MYO9B: variants seen among roughly 807,000 people sequenced by gnomAD.
The protein encoded by MYO9B is myosin IXB, also known as unconventional myosin-IXb.
A neutral mutation model predicts 229.5 loss-of-function variants in MYO9B; 71 were observed. That is an observed-to-expected ratio of 0.31 (90% CI 0.26 to 0.38). The LOEUF (loss-of-function observed/expected upper bound fraction) is 0.38. Among genes scored for constraint, MYO9B ranks in the 10% least tolerant of loss-of-function variants. The probability of loss-of-function intolerance (pLI) is 1.00; values close to 1 mark genes in which losing one functional copy is unlikely to be tolerated. For missense variants in MYO9B, 2,255 were observed against 2,920.5 expected (o/e 0.77, Z 5.25); for synonymous variants, 1,185 against 1,235.8 (o/e 0.96, Z 0.86).
intron 3 of MYO9B, among the ~76,000 whole-genome samples, chr19:17,149,159 G>A (rs955447035): frequency 3.2e-4 from 49 of 151,878 alleles, no homozygotes; most frequent in African/African-American, 1.1e-3. Context: ...TTTTTATTCT[G>A]TAGAGACGGG....
chr19:17,129,961 G>A (rs7258952), intron 2 of MYO9B, among the ~76,000 whole-genome samples: 41,316 of 151,968 alleles, frequency 0.27, 5,822 homozygotes, highest in East Asian at 0.41. Context: ...GACTACAAGT[G>A]TGTACCACCA....
intron 1 of MYO9B, among the ~76,000 whole-genome samples, chr19:17,088,669 CTTTG>C (rs961605280): frequency 3.9e-5 from 6 of 152,110 alleles, no homozygotes; most frequent in African/African-American, 7.2e-5. Context: ...GCCCCACTTA[CTTTG>C]TTTATTTACT....
intron 26 of MYO9B, 137 bp from the exon 27 acceptor site, chr19:17,201,789 G>A: frequency 1.5e-6 from 1 of 655,100 alleles, no homozygotes; most frequent in Admixed American, 2.7e-5. Context: ...GACCAGGCTT[G>A]GCCAGAGGGA....
intron 2 of MYO9B, among the ~76,000 whole-genome samples, chr19:17,105,662 C>G (rs1293811363): frequency 6.6e-6 from 1 of 152,134 alleles, no homozygotes; most frequent in East Asian, 1.9e-4. Flanking sequence ...AGACCCCACC[C>G]TTTCTGGAGC....
chr19:17,142,131 AT>A (rs1301003104), intron 2 of MYO9B, among the ~76,000 whole-genome samples: 2 of 150,958 alleles, frequency 1.3e-5, no homozygotes, highest in African/African-American at 4.9e-5. Context: ...GTGAGCTATG[AT>A]TACACCACTG....
At chr19:17,171,709 T>C (rs368123719) in intron 11 of MYO9B, among the ~76,000 whole-genome samples, 2 of 152,282 alleles carry the variant, frequency 1.3e-5, no homozygotes, top group African/African-American at 4.8e-5. Flanking sequence ...CCTAGTCGTT[T>C]GGGAGGCTGA....
intron 3 of MYO9B, among the ~76,000 whole-genome samples, chr19:17,152,185 A>G (rs7248803): frequency 0.66 from 92,755 of 140,408 alleles, 30,698 homozygotes; most frequent in East Asian, 0.7. Context: ...AGACTCCATC[A>G]CAAAAAAAAA....
Position 17,210,852 on chromosome 19 carries a change from A to G in MYO9B, c.5930+4A>G. The G allele has an allele frequency of 6.3e-7, 1 of 1,595,798 alleles. No homozygotes were observed. Among genetic ancestry groups the G allele is most frequent in the Non-Finnish European group, 8.5e-7 (1 of 1,171,860 alleles). ...TCCAGTCCATCAAGGAGGAGAAGCA[A>G]GTGGCTCAGTCCCCTCCCTCAGTCC... is the stretch of plus-strand genomic sequence containing the variant. On this transcript the variant is annotated splice_donor_region_variant and intron_variant, in intron 38 of 39. Coordinates refer to ENST00000682292, the MANE Select transcript of MYO9B (RefSeq NM_004145.4).
chr19:17,130,544 C>T (rs1366604846), intron 2 of MYO9B, among the ~76,000 whole-genome samples: 5 of 151,676 alleles, frequency 3.3e-5, no homozygotes, highest in Non-Finnish European at 5.9e-5. Context: ...GGCGTGAACC[C>T]AGGAGGCGGA....
chr19:17,136,988 G>C (rs2072278304), intron 2 of MYO9B, among the ~76,000 whole-genome samples: 1 of 152,172 alleles, frequency 6.6e-6, no homozygotes, highest in Admixed American at 6.6e-5. Context: ...CCAGCACTTT[G>C]GGAAGCCGAG....
intron 10 of MYO9B, among the ~76,000 whole-genome samples, chr19:17,163,589 A>G (rs1270553925): frequency 1.5e-4 from 23 of 152,080 alleles, no homozygotes; most frequent in Non-Finnish European, 1.5e-5. Context: ...GCTAGTCTCG[A>G]ACTCCTGAGC....
At chr19:17,170,835 A>AAG (rs1473989631) in intron 11 of MYO9B, among the ~76,000 whole-genome samples, 1 of 149,392 alleles carries the variant, frequency 6.7e-6, no homozygotes, top group Non-Finnish European at 1.5e-5. Flanking sequence ...AAAAATTAAA[A>AAG]AAAAAAAAAA....
chr19:17,076,352 G>A (rs1323084061), intron 1 of MYO9B, among the ~76,000 whole-genome samples: 1 of 152,004 alleles, frequency 6.6e-6, no homozygotes, highest in Non-Finnish European at 1.5e-5. Context: ...GCGGCGCCTG[G>A]CCCCCAGTGG....
intron 2 of MYO9B, among the ~76,000 whole-genome samples, chr19:17,123,543 C>A (rs540125967): frequency 6.6e-6 from 1 of 151,798 alleles, no homozygotes; most frequent in Non-Finnish European, 1.5e-5. Context: ...CTGGTTCAGG[C>A]GATTCTCCTG....
At chr19:17,160,337 G>A (rs2072584359) in intron 8 of MYO9B, among the ~76,000 whole-genome samples, 1 of 151,988 alleles carries the variant, frequency 6.6e-6, no homozygotes, top group South Asian at 2.1e-4. Flanking sequence ...ACCAGGCAGG[G>A]GCTGCATTCT....
At chr19:17,100,679 G>A (rs2057736351) in intron 1 of MYO9B, among the ~76,000 whole-genome samples, 1 of 152,054 alleles carries the variant, frequency 6.6e-6, no homozygotes, top group African/African-American at 2.4e-5. Flanking sequence ...CGTGACCTTG[G>A]CAGTCTTGGG....
At chr19:17,165,013 C>T (rs1293890030) in intron 10 of MYO9B, among the ~76,000 whole-genome samples, 1 of 152,094 alleles carries the variant, frequency 6.6e-6, no homozygotes, top group Non-Finnish European at 1.5e-5. Flanking sequence ...TGTAGTTGCA[C>T]ACCACCACAC....
intron 26 of MYO9B, among the ~76,000 whole-genome samples, 159 bp from the exon 27 acceptor site, chr19:17,201,767 G>A (rs1187938776): frequency 3.3e-5 from 5 of 152,044 alleles, no homozygotes; most frequent in Non-Finnish European, 7.4e-5. Flanking sequence ...ACTCTGGGTT[G>A]ACAAGATGAG....
chr19:17,093,296 ACT>A (rs1209713573), intron 1 of MYO9B, among the ~76,000 whole-genome samples: 5 of 151,880 alleles, frequency 3.3e-5, no homozygotes, highest in Non-Finnish European at 7.4e-5. Flanking sequence ...GTGCCACTGC[ACT>A]CCAGCCTGGG....
Sources: gnomAD v4.1 joint callset for allele counts (sites outside exome capture counted in the v4.1 genomes callset) on GRCh38, gnomAD v4.1.1 for gene constraint, MANE v1.5 for transcripts, NCBI Gene and HGNC (gene_info 2026-07-23, HGNC 2026-07-21) for gene names.